The following TFEC variants were observed in gnomAD, a reference collection of about 807,000 sequenced individuals.
TFEC encodes the protein class E basic helix-loop-helix protein 34.
A neutral mutation model predicts 41.6 loss-of-function variants in TFEC; 31 were observed. The observed-to-expected ratio is 0.74, with a 90% CI of 0.56 to 1.01. The LOEUF (loss-of-function observed/expected upper bound fraction) is 1.01. Ranked by LOEUF, TFEC falls within the 50% of genes least tolerant of loss-of-function variation. The probability of loss-of-function intolerance (pLI) is 0.00; values close to 1 mark genes in which losing one functional copy is unlikely to be tolerated. For synonymous variants in TFEC, 143 were observed against 140.6 expected (o/e 1.02, Z -0.12); for missense variants, 402 against 404.1 (o/e 0.99, Z 0.04).
upstream of TFEC, among the ~76,000 whole-genome samples, chr7:116,034,928 C>A (rs573309210): frequency 6.6e-6 from 1 of 151,794 alleles, no homozygotes; most frequent in South Asian, 2.1e-4. Flanking sequence ...GAAATTCCAC[C>A]ATTCTCTTGT....
intron 1 of TFEC, among the ~76,000 whole-genome samples, chr7:115,986,932 A>C (rs555379621): frequency 3.1e-4 from 47 of 152,272 alleles, no homozygotes; most frequent in African/African-American, 1.1e-3. Context: ...AAAACATAAA[A>C]AGAAAATCTC....
intron 3 of TFEC, among the ~76,000 whole-genome samples, chr7:115,965,944 C>T (rs926143926): frequency 6.6e-6 from 1 of 151,190 alleles, no homozygotes; most frequent in African/African-American, 2.4e-5. Flanking sequence ...AAAATTCTTC[C>T]CTATTCTCAT....
At chr7:116,101,314 A>G (rs1379318901) in intron 3 of TFEC, among the ~76,000 whole-genome samples, 3 of 152,072 alleles carry the variant, frequency 2.0e-5, no homozygotes, top group African/African-American at 7.2e-5. Context: ...CAAGAGAGGA[A>G]AAAAAGTCCT....
intron 3 of TFEC, among the ~76,000 whole-genome samples, chr7:116,035,932 T>C (rs1364223853): frequency 1.3e-5 from 2 of 151,910 alleles, no homozygotes; most frequent in Non-Finnish European, 2.9e-5. Flanking sequence ...CTCAGAAAAA[T>C]ATGTGACTAC....
chr7:116,045,916 G>A (rs1796152651), intron 3 of TFEC, among the ~76,000 whole-genome samples: 1 of 152,176 alleles, frequency 6.6e-6, no homozygotes, highest in Non-Finnish European at 1.5e-5. Context: ...GGAGTCAAAG[G>A]AGATTATTTT....
Position 115,940,816 on chromosome 7 carries a change from T to C in TFEC, c.779A>G (p.Asp260Gly). ...QQSHPEQNSV[D>G]YCQQLTVSQG... ...AGACACAGTCAGTTGTTGGCAATAGTCTACTGAATTCTGCTCAGGATGGCT... is the reference window on the plus strand; with the variant it reads ...AGACACAGTCAGTTGTTGGCAATAGCCTACTGAATTCTGCTCAGGATGGCT... Residue 260 changes from aspartate (D) to glycine (G), a missense_variant, in exon 8 of 8, where the codon GAC becomes GGC. Asp to Gly is a moderately conservative substitution (Grantham distance 94). Coordinates refer to ENST00000265440, the MANE Select transcript of TFEC (RefSeq NM_012252.4). The C allele has an allele frequency of 6.2e-7, 1 of 1,613,546 alleles. No homozygotes were observed. The highest frequency in any genetic ancestry group is 8.5e-7 in the Non-Finnish European group (1 of 1,179,624).
At position 116,018,991 on chromosome 7, in the gene TFEC, A is replaced by C. The variant is rs144873947; in HGVS notation, c.-73+11642T>G. Among the ~76,000 whole-genome samples the C allele has an allele frequency of 3.5e-3, 539 of 152,278 alleles. 6 individuals carry two copies. Among genetic ancestry groups the C allele is most frequent in the African/African-American group, 0.012 (486 of 41,566 alleles). On this transcript the variant is annotated intron_variant, in intron 1 of 7. Coordinates refer to ENST00000265440, the MANE Select transcript of TFEC (RefSeq NM_012252.4). ...GGCCAGAAGTGACTCTAATTATAAG[A>C]ACTGATTTAATCATCACAAGAAAAG...
chr7:116,070,031 TATAC>T (rs1423477383), intron 3 of TFEC, among the ~76,000 whole-genome samples: 1 of 151,410 alleles, frequency 6.6e-6, no homozygotes, highest in Non-Finnish European at 1.5e-5. Flanking sequence ...ACATTATAAA[TATAC>T]ATACATACTT....
intron 3 of TFEC, among the ~76,000 whole-genome samples, chr7:116,068,934 T>C (rs1251569405): frequency 6.6e-6 from 1 of 151,656 alleles, no homozygotes; most frequent in African/African-American, 2.4e-5. Context: ...ATACAAACCC[T>C]GAACTTGATG....
At chr7:116,093,911 A>G (rs1584507264) in intron 3 of TFEC, among the ~76,000 whole-genome samples, 1 of 152,326 alleles carries the variant, frequency 6.6e-6, no homozygotes, top group Non-Finnish European at 1.5e-5. Context: ...AAACTTTTTA[A>G]GGCGGTTTGC....
chr7:115,968,252 T>A, intron 3 of TFEC: 1 of 1,530,558 alleles, frequency 6.5e-7, no homozygotes, highest in Non-Finnish European at 8.7e-7. Flanking sequence ...CTTCATCATT[T>A]TCTTTTCCTT....
chr7:115,953,914 T>C (rs1792080723), intron 5 of TFEC, among the ~76,000 whole-genome samples: 1 of 152,112 alleles, frequency 6.6e-6, no homozygotes, highest in Non-Finnish European at 1.5e-5. Flanking sequence ...TTCTACTCTG[T>C]TCTCAGTTTT....
intron 3 of TFEC, among the ~76,000 whole-genome samples, chr7:116,043,202 T>G (rs935679294): frequency 3.3e-5 from 5 of 152,156 alleles, no homozygotes; most frequent in Admixed American, 6.5e-5. Context: ...AATTTAATAG[T>G]GTATCTTATG....
At chr7:116,026,353 T>C (rs572682921) in intron 1 of TFEC, among the ~76,000 whole-genome samples, 2 of 152,346 alleles carry the variant, frequency 1.3e-5, no homozygotes, top group South Asian at 4.1e-4. Context: ...CTTTCCAGAT[T>C]GGCAGATAAT....
At chr7:116,074,183 C>T (rs10953803) in intron 3 of TFEC, among the ~76,000 whole-genome samples, 77,568 of 150,218 alleles carry the variant, frequency 0.52, 20,933 homozygotes, top group East Asian at 0.8. Flanking sequence ...AAATATTATA[C>T]ATTATATATT....
intron 1 of TFEC, among the ~76,000 whole-genome samples, chr7:116,145,491 C>T (rs1229328032): frequency 6.6e-6 from 1 of 152,150 alleles, no homozygotes; most frequent in Admixed American, 6.5e-5. Context: ...ACATAAAAGA[C>T]CATAACCGTT....
At chr7:115,962,838 T>TAACA in intron 3 of TFEC, among the ~76,000 whole-genome samples, 1 of 151,984 alleles carries the variant, frequency 6.6e-6, no homozygotes, top group East Asian at 2.0e-4. Flanking sequence ...CAACAAAAAC[T>TAACA]AACAACCCAA....
At chr7:115,952,591 C>G (rs1792004700) in intron 5 of TFEC, among the ~76,000 whole-genome samples, 2 of 151,952 alleles carry the variant, frequency 1.3e-5, no homozygotes. Context: ...AATGTCAGAA[C>G]CTTCTTCTCT....
At chr7:116,150,026 C>G (rs994557455) in intron 1 of TFEC, among the ~76,000 whole-genome samples, 2 of 151,740 alleles carry the variant, frequency 1.3e-5, no homozygotes, top group Admixed American at 1.3e-4. Context: ...TCCTCCCTAT[C>G]TTGTTTCCCC....
Sources: allele counts gnomAD v4.1 joint callset (sites outside exome capture counted in the v4.1 genomes callset), GRCh38; gene constraint gnomAD v4.1.1; transcripts MANE v1.5; gene names NCBI Gene and HGNC (gene_info 2026-07-23, HGNC 2026-07-21).